Variants in IGFBPL1 observed in about 807,000 individuals in gnomAD.
IGFBPL1 encodes the protein insulin-like growth factor-binding protein-like 1.
A neutral mutation model predicts 23.9 loss-of-function variants in IGFBPL1; 20 were observed. The observed-to-expected ratio is 0.84, with a 90% CI of 0.59 to 1.22. IGFBPL1 has a LOEUF of 1.22. IGFBPL1 is among the 50% of genes most tolerant of loss of function. The pLI is 0.00. For missense variants in IGFBPL1, 436 were observed against 379.3 expected, an observed-to-expected ratio of 1.15 and a Z score of -1.24; for synonymous variants, 184 against 171.8, an observed-to-expected ratio of 1.07 and a Z score of -0.56.
intron 1 of IGFBPL1, 62 bp downstream of exon 1, chr9:38,423,903 C>A: frequency 7.7e-7 from 1 of 1,290,802 alleles, no homozygotes; most frequent in South Asian, 2.2e-5. Context: ...ATCCTTCGCT[C>A]CACACCCCAG....
intron 4 of IGFBPL1, among the ~76,000 whole-genome samples, chr9:38,409,984 C>T (rs1821488176): frequency 6.6e-6 from 1 of 152,128 alleles, no homozygotes; most frequent in Non-Finnish European, 1.5e-5. Context: ...TTCTGTGATC[C>T]CCTACAGACC....
rs549908176 is a variant in IGFBPL1 at position 38,416,869 on chromosome 9, A to G, written c.461-2666T>C. 6.7e-4 allele frequency among the ~76,000 whole-genome samples: 101 copies of G among 151,644 alleles called. 1 individual carries two copies. Among genetic ancestry groups the G allele is most frequent in the Non-Finnish European group, 1.3e-3 (86 of 67,940 alleles). On this transcript the variant is annotated intron_variant, in intron 1 of 4. Coordinates refer to ENST00000377694, the MANE Select transcript of IGFBPL1 (RefSeq NM_001007563.3). ...AAAAAAAATTTTTTTTTTTGTAGAG[A>G]TGGGTCTTGCTATGTTGCTCAGGCT...
At chr9:38,417,399 A>G (rs1305411230) in intron 1 of IGFBPL1, among the ~76,000 whole-genome samples, 1 of 152,158 alleles carries the variant, frequency 6.6e-6, no homozygotes, top group East Asian at 1.9e-4. Flanking sequence ...GAAAACCAAG[A>G]CTCAGAAAGG....
At chr9:38,416,843 TAA>T (rs138715661) in intron 1 of IGFBPL1, among the ~76,000 whole-genome samples, 110 of 148,748 alleles carry the variant, frequency 7.4e-4, no homozygotes, top group Middle Eastern at 3.4e-3. Flanking sequence ...CCCAGATAAT[TAA>T]AAAAAATTTT....
intron 1 of IGFBPL1, among the ~76,000 whole-genome samples, chr9:38,415,518 G>A (rs1821587859): frequency 6.6e-6 from 1 of 152,170 alleles, no homozygotes; most frequent in South Asian, 2.1e-4. Flanking sequence ...CTGGGAAGCA[G>A]ACCCTGTCAA....
intron 1 of IGFBPL1, among the ~76,000 whole-genome samples, chr9:38,421,838 C>T (rs550545518): frequency 2.6e-5 from 4 of 152,124 alleles, no homozygotes; most frequent in Non-Finnish European, 4.4e-5. Flanking sequence ...AAACAGTGCC[C>T]GGTTCTGTGG....
intron 1 of IGFBPL1, among the ~76,000 whole-genome samples, chr9:38,417,911 A>C (rs553180372): frequency 6.6e-6 from 1 of 152,186 alleles, no homozygotes; most frequent in Non-Finnish European, 1.5e-5. Flanking sequence ...TTGTTTGTAC[A>C]GTTCAGGCAC....
chr9:38,411,635 C>T (rs931764468), intron 3 of IGFBPL1, 86 bp from the exon 4 acceptor site: 1 of 1,130,982 alleles, frequency 8.8e-7, no homozygotes. Context: ...TAAGTCTGCA[C>T]ACTTCCTCCT....
At position 38,407,261 on chromosome 9, in the gene IGFBPL1, C is replaced by T. The variant is rs1398149049; in HGVS notation, c.*1966G>A. Among the ~76,000 whole-genome samples the T allele has an allele frequency of 2.6e-5, 4 of 152,198 alleles. No individual in the cohort carries two copies. The highest frequency in any genetic ancestry group is 9.7e-5 in the African/African-American group (4 of 41,450). On this transcript the variant is annotated 3_prime_UTR_variant, in exon 5 of 5. Transcript: ENST00000377694. ...ATCTTTTGTTTTCAAAGAGAGCTTC[C>T]AGTGTTTTAAAGTTTGAAAACCACT...
intron 4 of IGFBPL1, among the ~76,000 whole-genome samples, chr9:38,410,504 T>C (rs1343409109): frequency 6.9e-6 from 1 of 144,354 alleles, no homozygotes; most frequent in Non-Finnish European, 1.5e-5. Context: ...AAAAAAATGA[T>C]TGGTCTGTAA....
Position 38,424,004 on chromosome 9 carries a change from CG to C in IGFBPL1, c.420del (p.Gly141ValfsTer38), listed in dbSNP as rs1395297057. 7.1e-7 allele frequency: 1 copy of C among 1,410,272 alleles called. No individual in the cohort carries two copies. The highest frequency in any genetic ancestry group is 1.5e-5 in the South Asian group (1 of 65,250). The allele number at this position is 1,410,272 out of a possible 1,614,324, so 87.4% of individuals were successfully genotyped here. ...CCGTCGCGCGCCTTGTGCAGGTGACCGGGGTGCGCGCGGGGCGTGTGCCGAG... is the reference window on the plus strand; with the variant it reads ...CCGTCGCGCGCCTTGTGCAGGTGACCGGGTGCGCGCGGGGCGTGTGCCGAG... ...LRARHTPRAH[P>X]GHLHKARDGP... On this transcript the variant is annotated frameshift_variant, in exon 1 of 5. Coordinates refer to ENST00000377694, the MANE Select transcript of IGFBPL1 (RefSeq NM_001007563.3). LOFTEE classifies it high-confidence loss of function.
At chr9:38,414,939 G>T (rs1273333134) in intron 1 of IGFBPL1, among the ~76,000 whole-genome samples, 1 of 152,168 alleles carries the variant, frequency 6.6e-6, no homozygotes, top group African/African-American at 2.4e-5. Context: ...TCCTCCCCAT[G>T]CCTGGCATCT....
chr9:38,420,449 G>C (rs187893192), intron 1 of IGFBPL1, among the ~76,000 whole-genome samples: 126 of 152,374 alleles, frequency 8.3e-4, no homozygotes, highest in African/African-American at 2.9e-3. Flanking sequence ...GGTGGACCCA[G>C]ATTGAGAAAC....
chr9:38,415,223 G>C (rs1442934033), intron 1 of IGFBPL1, among the ~76,000 whole-genome samples: 1 of 152,236 alleles, frequency 6.6e-6, no homozygotes, highest in African/African-American at 2.4e-5. Flanking sequence ...AGGAGCAAAA[G>C]GATGACTGGA....
chr9:38,411,917 TA>T (rs1554661213), intron 3 of IGFBPL1, among the ~76,000 whole-genome samples: 2 of 152,212 alleles, frequency 1.3e-5, no homozygotes, highest in Non-Finnish European at 2.9e-5. Flanking sequence ...GTATTCCCTA[TA>T]GGGGCAGCCT....
Position 38,411,523 on chromosome 9 carries a change from C to G in IGFBPL1, c.714G>C (p.Glu238Asp). Residue 238 changes from glutamate to aspartate, a missense_variant, in exon 4 of 5, where the codon GAG becomes GAC. Transcript: ENST00000377694. ...ILINPLRKED[E>D]GVYQCHAANM... ...TGGCTGCATGGCACTGGTACACACC[C>G]TCATCCTCCTTTCGCAGGGGGTTGA... 1.2e-6 allele frequency: 2 copies of G among 1,614,112 alleles called. No homozygotes were observed. Among genetic ancestry groups the G allele is most frequent in the South Asian group, 2.2e-5 (2 of 91,072 alleles).
intron 1 of IGFBPL1, among the ~76,000 whole-genome samples, chr9:38,419,830 C>T (rs546629459): frequency 6.6e-6 from 1 of 151,588 alleles, no homozygotes; most frequent in Non-Finnish European, 1.5e-5. Context: ...TTGGAAATTG[C>T]TTTTGCATCC....
intron 1 of IGFBPL1, among the ~76,000 whole-genome samples, chr9:38,421,872 G>C (rs1026720103): frequency 2.0e-5 from 3 of 152,224 alleles, no homozygotes; most frequent in African/African-American, 7.2e-5. Context: ...GGCTGGTGCG[G>C]AAGAAGGGCT....
Position 38,413,290 on chromosome 9 carries a change from C to G in IGFBPL1, c.634G>C (p.Ala212Pro). The change falls in exon 3 of 5, where the codon GCT becomes CCT. Residue 212 changes from alanine (A) to proline (P), a missense_variant. By Grantham distance (27) the Ala-to-Pro change is conservative. Transcript: ENST00000377694. ...EELPGDHVNI[A>P]VQVRGGPSDH... ...GAAGGGCCCCCTCGCACTTGGACAG[C>G]TATATTGACATGGTCCCCAGGCAGC... is the stretch of plus-strand genomic sequence containing the variant. 1 of 1,614,146 alleles carries G rather than the reference C, an allele frequency of 6.2e-7. No individual in the cohort carries two copies. The highest frequency in any genetic ancestry group is 8.5e-7 in the Non-Finnish European group (1 of 1,180,014).
Sources: gnomAD v4.1 joint callset for allele counts (sites outside exome capture counted in the v4.1 genomes callset) on GRCh38, gnomAD v4.1.1 for gene constraint, MANE v1.5 for transcripts, NCBI Gene and HGNC (gene_info 2026-07-23, HGNC 2026-07-21) for gene names.